Variants in RGS7 observed in about 807,000 individuals in gnomAD.
RGS7 encodes the protein regulator of G-protein signaling 7.
A neutral mutation model predicts 81.1 loss-of-function variants in RGS7; 27 were observed. That is an observed-to-expected ratio of 0.33 (90% CI 0.25 to 0.46). The LOEUF is 0.46. RGS7 is among the 20% of genes least tolerant of loss of function. The probability of loss-of-function intolerance (pLI) is 1.00; values close to 1 mark genes in which losing one functional copy is unlikely to be tolerated. For synonymous variants in RGS7, 208 were observed against 207.7 expected (o/e 1.00, Z -0.01); for missense variants, 396 against 607.4 (o/e 0.65, Z 3.66).
At chr1:240,927,936 C>T (rs1466476149) in intron 6 of RGS7, among the ~76,000 whole-genome samples, 1 of 152,148 alleles carries the variant, frequency 6.6e-6, no homozygotes, top group Non-Finnish European at 1.5e-5. Flanking sequence ...AGAGTGATTC[C>T]ATCTTGGATG....
chr1:241,255,053 T>C (rs571895020), intron 2 of RGS7, among the ~76,000 whole-genome samples: 1 of 152,314 alleles, frequency 6.6e-6, no homozygotes, highest in South Asian at 2.1e-4. Flanking sequence ...TGAAGATATA[T>C]AATCTCAGAA....
intron 2 of RGS7, chr1:241,186,552 T>G (rs111874703): frequency 0.2 from 54,574 of 278,624 alleles, 6,404 homozygotes; most frequent in Admixed American, 0.28. Context: ...GAGACGGAGT[T>G]TTGCTCTTGT....
intron 6 of RGS7, among the ~76,000 whole-genome samples, chr1:240,895,397 T>C (rs1033507755): frequency 2.0e-5 from 3 of 152,080 alleles, no homozygotes; most frequent in African/African-American, 7.3e-5. Context: ...CATTAACGTG[T>C]CATTTACATT....
At chr1:240,987,401 T>C (rs1471548488) in intron 3 of RGS7, among the ~76,000 whole-genome samples, 2 of 152,250 alleles carry the variant, frequency 1.3e-5, no homozygotes, top group African/African-American at 2.4e-5. Flanking sequence ...AAGCTCTTTG[T>C]ACTGCCCAAA....
intron 2 of RGS7, among the ~76,000 whole-genome samples, chr1:241,104,071 G>A (rs76095057): frequency 2.8e-4 from 42 of 152,048 alleles, no homozygotes; most frequent in African/African-American, 4.1e-4. Context: ...TCAAAGATTC[G>A]GTTATCTCAT....
intron 3 of RGS7, among the ~76,000 whole-genome samples, chr1:240,985,788 G>C (rs1241304329): frequency 6.6e-6 from 1 of 151,862 alleles, no homozygotes; most frequent in Non-Finnish European, 1.5e-5. Context: ...GAGAGAGAAA[G>C]AGGAAAAAAA....
intron 4 of RGS7, among the ~76,000 whole-genome samples, chr1:240,972,848 C>CAAA (rs35291771): frequency 8.7e-4 from 65 of 74,678 alleles, no homozygotes; most frequent in African/African-American, 2.1e-3. Context: ...CCCCGCCTCT[C>CAAA]AAAAAAAAAA....
intron 3 of RGS7, among the ~76,000 whole-genome samples, chr1:241,026,775 T>A (rs2059810162): frequency 6.6e-6 from 1 of 151,570 alleles, no homozygotes; most frequent in Admixed American, 6.6e-5. Context: ...TGTGTGAAAA[T>A]CAAAGAGTCT....
intron 2 of RGS7, among the ~76,000 whole-genome samples, chr1:241,341,781 A>G (rs1462046021): frequency 6.6e-6 from 1 of 150,776 alleles, no homozygotes; most frequent in East Asian, 2.0e-4. Context: ...AGCCTTGAAG[A>G]GGTTTAGTAA....
intron 2 of RGS7, among the ~76,000 whole-genome samples, chr1:241,150,960 TCCA>T (rs1019576794): frequency 3.9e-5 from 6 of 152,074 alleles, no homozygotes; most frequent in African/African-American, 1.4e-4. Flanking sequence ...AATCCGGATG[TCCA>T]AGGCCAGGAG....
Position 240,804,644 on chromosome 1 carries a change from C to T in RGS7, c.1269+1496G>A, listed in dbSNP as rs112436950. Among the ~76,000 whole-genome samples, 458 of 152,238 alleles carry T rather than the reference C, an allele frequency of 3.0e-3. 2 individuals carry two copies. Among genetic ancestry groups the T allele is most frequent in the African/African-American group, 9.9e-3 (413 of 41,544 alleles). On this transcript the variant is annotated intron_variant, in intron 15 of 18. Transcript: ENST00000440928. ...TAAACCTCAGGAAGGGCATTCCAAA[C>T]ATTTTCCACATTGTTGGCTCTAGAA...
At chr1:241,095,884 C>T (rs966118392) in intron 3 of RGS7, among the ~76,000 whole-genome samples, 1 of 152,148 alleles carries the variant, frequency 6.6e-6, no homozygotes, top group African/African-American at 2.4e-5. Context: ...GCTGTAATTT[C>T]GCATTCTTTA....
chr1:240,814,382 G>A (rs1690424839), intron 12 of RGS7, among the ~76,000 whole-genome samples: 1 of 152,182 alleles, frequency 6.6e-6, no homozygotes, highest in South Asian at 2.1e-4. Context: ...GCTCCAGTTT[G>A]CCCAAAGGTC....
intron 3 of RGS7, among the ~76,000 whole-genome samples, chr1:241,008,811 T>C (rs2796746): frequency 0.98 from 148,253 of 151,572 alleles, 72,582 homozygotes; most frequent in East Asian, 1. Context: ...ACTTAGTACG[T>C]TGAGGCAGGA....
chr1:241,236,340 C>T (rs368898547), intron 2 of RGS7, among the ~76,000 whole-genome samples: 23 of 152,112 alleles, frequency 1.5e-4, no homozygotes, highest in African/African-American at 5.3e-4. Flanking sequence ...TTTCGCAATT[C>T]AAGGTTTTTC....
intron 3 of RGS7, among the ~76,000 whole-genome samples, chr1:241,026,223 G>A (rs1040364237): frequency 2.0e-5 from 3 of 152,122 alleles, no homozygotes; most frequent in Non-Finnish European, 2.9e-5. Flanking sequence ...GAGGGAACTC[G>A]GTAACATTTG....
chr1:241,349,433 T>TC (rs1198185225), intron 2 of RGS7, among the ~76,000 whole-genome samples: 1 of 152,228 alleles, frequency 6.6e-6, no homozygotes, highest in Admixed American at 6.5e-5. Flanking sequence ...AATGTATCTT[T>TC]CCAGATAGGC....
At chr1:241,127,857 C>T (rs2066779600) in intron 2 of RGS7, among the ~76,000 whole-genome samples, 1 of 151,658 alleles carries the variant, frequency 6.6e-6, no homozygotes, top group East Asian at 1.9e-4. Context: ...TAGTATATTT[C>T]AGAAAGATAA....
intron 2 of RGS7, among the ~76,000 whole-genome samples, chr1:241,151,001 A>T (rs1216671082): frequency 6.6e-6 from 1 of 152,162 alleles, no homozygotes; most frequent in Non-Finnish European, 1.5e-5. Flanking sequence ...TCCAAAAGAG[A>T]AGGTGAGCAA....
Sources: allele counts gnomAD v4.1 joint callset (sites outside exome capture counted in the v4.1 genomes callset), GRCh38; gene constraint gnomAD v4.1.1; transcripts MANE v1.5; gene names NCBI Gene and HGNC (gene_info 2026-07-23, HGNC 2026-07-21).